ADAMTS6: variants seen among roughly 807,000 people sequenced by gnomAD.
ADAMTS6 encodes ADAM metallopeptidase with thrombospondin type 1 motif 6, also known as A disintegrin and metalloproteinase with thrombospondin motifs 6.
A neutral mutation model predicts 144.3 loss-of-function variants in ADAMTS6; 23 were observed. The observed-to-expected ratio is 0.16, with a 90% confidence interval of 0.11 to 0.23. ADAMTS6 has a LOEUF of 0.23. Among genes scored for constraint, ADAMTS6 ranks in the 10% least tolerant of loss-of-function variants. The pLI is 1.00. For missense variants in ADAMTS6, 999 were observed against 1,379.6 expected (o/e 0.72, Z 4.37); for synonymous variants, 444 against 457.5 (o/e 0.97, Z 0.38).
At chr5:65,242,427 T>C (rs1366479701) in intron 14 of ADAMTS6, among the ~76,000 whole-genome samples, 1 of 152,204 alleles carries the variant, frequency 6.6e-6, no homozygotes, top group Non-Finnish European at 1.5e-5. Context: ...AACAAAGCGT[T>C]ACACAATTTC....
At chr5:65,388,537 G>C (rs1307231814) in intron 7 of ADAMTS6, among the ~76,000 whole-genome samples, 3 of 152,262 alleles carry the variant, frequency 2.0e-5, no homozygotes, top group East Asian at 1.9e-4. Context: ...GTGACCTGAT[G>C]CAAGTTACTA....
At chr5:65,469,072 C>T (rs1760238753) in intron 3 of ADAMTS6, among the ~76,000 whole-genome samples, 1 of 152,208 alleles carries the variant, frequency 6.6e-6, no homozygotes, top group African/African-American at 2.4e-5. Flanking sequence ...GCTTTCTCTC[C>T]TGTATCTCAC....
chr5:65,234,443 G>A (rs1461652569), intron 15 of ADAMTS6, among the ~76,000 whole-genome samples: 1 of 149,634 alleles, frequency 6.7e-6, no homozygotes. Context: ...GGCAAATAAT[G>A]TGAATAGACT....
chr5:65,331,295 G>C (rs1313906456), intron 8 of ADAMTS6, among the ~76,000 whole-genome samples: 1 of 151,930 alleles, frequency 6.6e-6, no homozygotes, highest in Non-Finnish European at 1.5e-5. Flanking sequence ...TAGCTTTTGG[G>C]TTTTGTTGTT....
chr5:65,214,661 G>C lies in ADAMTS6; in HGVS notation c.2575+133C>G, dbSNP rs1171003617. The C allele has an allele frequency of 7.7e-7, 1 of 1,304,762 alleles. No homozygotes were observed. The highest frequency in any genetic ancestry group is 2.0e-5 in the Admixed American group (1 of 51,006). The allele number at this position is 1,304,762 out of a possible 1,614,324, so 80.8% of individuals were successfully genotyped here. A position where few individuals can be genotyped will look rare whatever the true frequency, so the allele number is the denominator to read the frequency against. On this transcript the variant is annotated intron_variant, in intron 20 of 24. Coordinates refer to ENST00000381055, the MANE Select transcript of ADAMTS6 (RefSeq NM_197941.4). This position sits in a 1 kb window ranked among gnomAD's most constrained non-coding sequence, Gnocchi z 4.6. ...ATATAATTAAAGCAAAGTTTCTTTT[G>C]CTAAATTACAGCTTGAAGCAAACCT...
intron 21 of ADAMTS6, among the ~76,000 whole-genome samples, chr5:65,189,578 C>T (rs1754883634): frequency 6.6e-6 from 1 of 152,174 alleles, no homozygotes; most frequent in South Asian, 2.1e-4. Flanking sequence ...ATCTTATGTG[C>T]TGAAGCCAGC....
In ADAMTS6 at chr5:65,431,136, C is replaced by G. The variant is rs192995998; in HGVS notation, c.1073+20339G>C. On this transcript the variant is annotated intron_variant, in intron 7 of 24. Coordinates refer to ENST00000381055, the MANE Select transcript of ADAMTS6 (RefSeq NM_197941.4). ...TTCTTGGAGGAGATAAGTATTTCTA[C>G]AGCCTCAAAATTATTTTTTAATAAT... 3.5e-4 allele frequency among the ~76,000 whole-genome samples: 53 copies of G among 152,218 alleles called. No homozygotes were observed. In the East Asian group the frequency reaches 9.8e-3, roughly 28 times the overall value.
chr5:65,181,112 A>G (rs2112135871), intron 22 of ADAMTS6, among the ~76,000 whole-genome samples: 1 of 152,350 alleles, frequency 6.6e-6, no homozygotes, highest in South Asian at 2.1e-4. Flanking sequence ...GAGCCATTCT[A>G]ATACTAATTC....
chr5:65,339,172 C>T (rs991026953), intron 7 of ADAMTS6, among the ~76,000 whole-genome samples: 1 of 152,148 alleles, frequency 6.6e-6, no homozygotes, highest in Non-Finnish European at 1.5e-5. Context: ...GCAAGCCCAC[C>T]CCGGCAAAGC....
chr5:65,468,397 C>T (rs1195512520), intron 3 of ADAMTS6, among the ~76,000 whole-genome samples: 1 of 149,892 alleles, frequency 6.7e-6, no homozygotes, highest in Non-Finnish European at 1.5e-5. Flanking sequence ...CAAGATCACG[C>T]CACTGCACTC....
At chr5:65,268,564 C>G (rs575538678) in intron 12 of ADAMTS6, among the ~76,000 whole-genome samples, 1 of 152,160 alleles carries the variant, frequency 6.6e-6, no homozygotes, top group Non-Finnish European at 1.5e-5. Context: ...CTGGGCTCAT[C>G]AAATTTCCTC....
chr5:65,284,314 T>C (rs1377612399), intron 11 of ADAMTS6, among the ~76,000 whole-genome samples: 1 of 152,082 alleles, frequency 6.6e-6, no homozygotes, highest in Non-Finnish European at 1.5e-5. Context: ...ATCAAAGAGC[T>C]ATATTCAGGT....
intron 7 of ADAMTS6, among the ~76,000 whole-genome samples, chr5:65,345,721 C>T (rs1748254183): frequency 6.6e-6 from 1 of 151,820 alleles, no homozygotes; most frequent in Non-Finnish European, 1.5e-5. Context: ...ACTTTGAAGT[C>T]ACTTTTGAGT....
intron 5 of ADAMTS6, 104 bp from the exon 6 acceptor site, chr5:65,452,320 G>T (rs2150250107): frequency 3.2e-6 from 3 of 923,648 alleles, no homozygotes; most frequent in Non-Finnish European, 5.1e-6. Context: ...TTTAGCCATT[G>T]TATACATTAC....
At chr5:65,310,850 T>C (rs1744423495) in intron 9 of ADAMTS6, among the ~76,000 whole-genome samples, 1 of 152,222 alleles carries the variant, frequency 6.6e-6, no homozygotes. Flanking sequence ...TATTTTATGT[T>C]CAAACTTAAA....
chr5:65,197,091 T>C lies in ADAMTS6; in HGVS notation c.2636A>G (p.Asn879Ser), dbSNP rs1755436498. The change falls in exon 21 of 25, where the codon AAT (asparagine) becomes AGT (serine). Residue 879 changes from asparagine to serine, a missense_variant. Coordinates refer to ENST00000381055, the MANE Select transcript of ADAMTS6 (RefSeq NM_197941.4). Reference sequence around the variant, plus strand: ...TGGCTTACTGTCAGGATCACAGTAATTGTTCTGGACAATGGAGTTGTCATC... The same window carrying C: ...TGGCTTACTGTCAGGATCACAGTAACTGTTCTGGACAATGGAGTTGTCATC... Reference protein sequence around the residue: ...RLDDNSIVQNNYCDPDSKPPE... With the variant: ...RLDDNSIVQNSYCDPDSKPPE... 3 of 1,614,108 alleles carry C rather than the reference T, an allele frequency of 1.9e-6. No individual in the cohort carries two copies. The highest frequency in any genetic ancestry group is 2.5e-6 in the Non-Finnish European group (3 of 1,179,956).
At chr5:65,254,637 T>C (rs558577580) in intron 14 of ADAMTS6, among the ~76,000 whole-genome samples, 2 of 152,302 alleles carry the variant, frequency 1.3e-5, no homozygotes, top group Admixed American at 1.3e-4. Context: ...TGAACGGTCA[T>C]CATGTGCAGT....
intron 4 of ADAMTS6, among the ~76,000 whole-genome samples, chr5:65,458,130 A>ATG (rs1407862291): frequency 2.0e-5 from 3 of 152,162 alleles, no homozygotes; most frequent in Non-Finnish European, 4.4e-5. Context: ...ATTACTCAAT[A>ATG]TAAAGACCCA....
intron 9 of ADAMTS6, among the ~76,000 whole-genome samples, chr5:65,328,344 T>C (rs1172168979): frequency 1.3e-5 from 2 of 152,084 alleles, no homozygotes; most frequent in African/African-American, 4.8e-5. Flanking sequence ...CCCCTATCTA[T>C]GACGCCACCA....
Sources: allele counts gnomAD v4.1 joint callset (sites outside exome capture counted in the v4.1 genomes callset), GRCh38; gene constraint gnomAD v4.1.1; non-coding constraint Gnocchi (gnomAD v3.1); transcripts MANE v1.5; gene names NCBI Gene and HGNC (gene_info 2026-07-23, HGNC 2026-07-21).